Variants in GCA observed in about 807,000 individuals in gnomAD.
GCA encodes grancalcin, EF-hand calcium-binding protein.
Under a neutral mutation model 32.6 loss-of-function variants are expected in GCA, and 30 were observed. That is an observed-to-expected ratio of 0.92 (90% CI 0.69 to 1.25). The LOEUF is 1.25. Ranked by LOEUF, GCA falls within the 50% of genes most tolerant of loss-of-function variation. The probability of loss-of-function intolerance (pLI) is 0.00; values close to 1 mark genes in which losing one functional copy is unlikely to be tolerated. For synonymous variants in GCA, 102 were observed against 84.6 expected, an observed-to-expected ratio of 1.21 and a Z score of -1.13; for missense variants, 291 against 266.8, an observed-to-expected ratio of 1.09 and a Z score of -0.63.
chr2:162,348,895 G>A (rs995826211), intron 2 of GCA, among the ~76,000 whole-genome samples: 7 of 151,822 alleles, frequency 4.6e-5, no homozygotes, highest in African/African-American at 9.7e-5. Flanking sequence ...ATTCAAGATC[G>A]GAAGGAATAC....
rs1685578464 is a variant in GCA, at chr2:162,361,677, G to T, written c.*1434G>T. On this transcript the variant is annotated 3_prime_UTR_variant, in exon 8 of 8. Coordinates refer to ENST00000437150, the MANE Select transcript of GCA (RefSeq NM_012198.5). ...ATTTGCTGTCAAATTCACTTGGTCA[G>T]TTTTATAAAAATGTGTGAATAGGTA... 1.0e-6 allele frequency: 1 copy of T among 984,052 alleles called. No homozygotes were observed. The highest frequency in any genetic ancestry group is 4.7e-5 in the South Asian group (1 of 21,280). 61.0% of individuals were successfully genotyped at this position (984,052 alleles called of 1,614,324 possible).
chr2:162,354,748 TCA>T (rs1442559663), intron 3 of GCA, among the ~76,000 whole-genome samples: 1 of 152,182 alleles, frequency 6.6e-6, no homozygotes, highest in Non-Finnish European at 1.5e-5. Context: ...CATCAGCTCT[TCA>T]ACTTGCAAAA....
chr2:162,342,856 C>T (rs999467206), upstream of GCA, among the ~76,000 whole-genome samples: 2 of 152,212 alleles, frequency 1.3e-5, no homozygotes, highest in Non-Finnish European at 2.9e-5. Context: ...TCATTTGATA[C>T]CTTCATAAGC....
intron 1 of GCA, chr2:162,319,471 T>G (rs1683589024): frequency 4.4e-6 from 1 of 229,126 alleles, no homozygotes. Context: ...ACAACTTATT[T>G]TTGATATAGC....
intron 1 of GCA, 186 bp downstream of exon 1, chr2:162,344,461 G>T: frequency 1.6e-6 from 1 of 607,088 alleles, no homozygotes; most frequent in Non-Finnish European, 2.9e-6. Context: ...GGCTGACTTG[G>T]AGCCGCAGGT....
Position 162,347,712 on chromosome 2 carries a change from G to A in GCA, c.162G>A (p.Val54=). The change falls in exon 2 of 8, where the codon GTG becomes GTA. Residue 54 remains valine, a synonymous_variant. Transcript: ENST00000437150. ...CTTATTCCTCAGCTGGTGACTCCGTGTATACTTACTTCAGTGCTGTTGCTG... is the reference window on the plus strand; with the variant it reads ...CTTATTCCTCAGCTGGTGACTCCGTATATACTTACTTCAGTGCTGTTGCTG... ...SDTYSSAGDS[V]YTYFSAVAGQ... The A allele has an allele frequency of 6.3e-7, 1 of 1,589,960 alleles. No homozygotes were observed. Among genetic ancestry groups the A allele is most frequent in the Non-Finnish European group, 8.6e-7 (1 of 1,165,840 alleles).
At position 162,361,099 on chromosome 2, in the gene GCA, T is replaced by C. The variant is rs1685551955; in HGVS notation, c.*856T>C. 1 of 950,066 alleles carries C rather than the reference T, an allele frequency of 1.1e-6. No individual in the cohort carries two copies. Among genetic ancestry groups the C allele is most frequent in the African/African-American group, 1.8e-5 (1 of 56,756 alleles). The allele number at this position is 950,066 out of a possible 1,614,324, so 58.9% of individuals were successfully genotyped here. On this transcript the variant is annotated 3_prime_UTR_variant, in exon 8 of 8. Transcript: ENST00000437150. Reference sequence around the variant, plus strand: ...TGTCAACTCTTTATAAACTTAAAAATAAACAAGTAATTAACCACTCTAATT... The same window carrying C: ...TGTCAACTCTTTATAAACTTAAAAACAAACAAGTAATTAACCACTCTAATT...
chr2:162,332,922 AG>A (rs1684148787), intron 1 of GCA, among the ~76,000 whole-genome samples: 1 of 152,140 alleles, frequency 6.6e-6, no homozygotes, highest in Non-Finnish European at 1.5e-5. Flanking sequence ...TACTCCAAAA[AG>A]AGTACACTTT....
intron 1 of GCA, among the ~76,000 whole-genome samples, chr2:162,331,321 T>C (rs1236293149): frequency 6.6e-6 from 1 of 152,242 alleles, no homozygotes; most frequent in African/African-American, 2.4e-5. Flanking sequence ...CCACAAGTAT[T>C]GATTATTTAG....
intron 1 of GCA, among the ~76,000 whole-genome samples, chr2:162,321,868 G>GGTGCATGGTTCCATAT (rs1160537438): frequency 2.5e-4 from 23 of 93,772 alleles, no homozygotes; most frequent in African/African-American, 8.9e-4. Context: ...AATTTATAAA[G>GGTGCATGGTTCCATAT]GAAAAATTTA....
chr2:162,344,363 C>CTCCT, intron 1 of GCA, 88 bp downstream of exon 1: 1 of 1,278,784 alleles, frequency 7.8e-7, no homozygotes, highest in Non-Finnish European at 1.1e-6. Flanking sequence ...CCGCCCTTGG[C>CTCCT]TCCTGCTCCC....
At position 162,353,808 on chromosome 2, in the gene GCA, A is replaced by G. The variant is rs552454077; in HGVS notation, c.262+1401A>G. The stretch of plus-strand genomic sequence containing the variant: ...CTGGAAACTCCTTTGCTTTAGATGT[A>G]GGACGTTTTCTTCAATGATATTTTC... On this transcript the variant is annotated intron_variant, in intron 3 of 7. Coordinates refer to ENST00000437150, the MANE Select transcript of GCA (RefSeq NM_012198.5). 2.2e-4 allele frequency among the ~76,000 whole-genome samples: 34 copies of G among 152,270 alleles called. 1 individual carries two copies. The South Asian group carries it at 6.8e-3, about 31-fold the overall frequency.
At chr2:162,374,219 T>C (rs1370332719), downstream of GCA, among the ~76,000 whole-genome samples, 4 of 152,224 alleles carry the variant, frequency 2.6e-5, no homozygotes, top group Non-Finnish European at 4.4e-5. Flanking sequence ...TGTTAAATTC[T>C]TTTTCCCTCT....
chr2:162,340,581 T>C (rs972149969), upstream of GCA, among the ~76,000 whole-genome samples: 2 of 152,190 alleles, frequency 1.3e-5, no homozygotes, highest in African/African-American at 4.8e-5. Context: ...AATCGTATCA[T>C]GTCCCACTTA....
At chr2:162,343,013 T>C (rs1684501834), upstream of GCA, among the ~76,000 whole-genome samples, 1 of 152,352 alleles carries the variant, frequency 6.6e-6, no homozygotes, top group East Asian at 1.9e-4. Context: ...ACATCGGCAA[T>C]CTTCCTTTCT....
At chr2:162,369,724 T>G (rs1217257654) in intron 4 of GCA, among the ~76,000 whole-genome samples, 2 of 152,070 alleles carry the variant, frequency 1.3e-5, no homozygotes, top group Non-Finnish European at 2.9e-5. Flanking sequence ...CGGCAATCCT[T>G]ATGAAATTTG....
At chr2:162,346,056 C>CT (rs780496781) in intron 1 of GCA, among the ~76,000 whole-genome samples, 70 of 151,854 alleles carry the variant, frequency 4.6e-4, no homozygotes, top group Non-Finnish European at 8.3e-4. Flanking sequence ...GTATTATTTT[C>CT]TTTTTTTTAC....
Position 162,356,786 on chromosome 2 carries a change from A to G in GCA, c.335A>G (p.Asn112Ser). The stretch of plus-strand genomic sequence containing the variant: ...GATCACACAGGAAAAATGGGATTTA[A>G]TGCATTCAAAGAGCTATGGGCAGCT... ...DRDHTGKMGFNAFKELWAALN... is the reference protein window; with the variant it reads ...DRDHTGKMGFSAFKELWAALN... The change falls in exon 5 of 8, where the codon AAT becomes AGT. Residue 112 changes from asparagine to serine, a missense_variant. Transcript: ENST00000437150. The G allele has an allele frequency of 6.2e-7, 1 of 1,608,524 alleles. No homozygotes were observed. Among genetic ancestry groups the G allele is most frequent in the South Asian group, 1.1e-5 (1 of 90,892 alleles).
chr2:162,319,146 A>C (rs11897697), exon 1 of GCA: 35,132 of 456,668 alleles, frequency 0.077, 4,635 homozygotes, highest in African/African-American at 0.3. Context: ...TGTGGAGAAG[A>C]CAGGAGGAAG....
Sources: gnomAD v4.1 joint callset for allele counts (sites outside exome capture counted in the v4.1 genomes callset) on GRCh38, gnomAD v4.1.1 for gene constraint, MANE v1.5 for transcripts, NCBI Gene and HGNC (gene_info 2026-07-23, HGNC 2026-07-21) for gene names.